The following TCEA1 variants were observed in gnomAD, a reference collection of about 807,000 sequenced individuals.
TCEA1 encodes the protein transcription elongation factor A1, also known as transcription elongation factor A protein 1.
TCEA1 carries 21 observed loss-of-function variants against 43.8 expected under a neutral mutation model. The ratio of observed to expected loss-of-function variants is 0.48; its 90% CI spans 0.34 to 0.69. TCEA1 has a LOEUF of 0.69. Among genes scored for constraint, TCEA1 ranks in the 30% least tolerant of loss-of-function variants. TCEA1 has a pLI of 0.01. For missense variants in TCEA1, 250 were observed against 365.1 expected, an observed-to-expected ratio of 0.68 and a Z score of 2.57; for synonymous variants, 104 against 117.5, an observed-to-expected ratio of 0.88 and a Z score of 0.75.
intron 2 of TCEA1, among the ~76,000 whole-genome samples, chr8:54,004,746 T>C (rs1804384488): frequency 6.6e-6 from 1 of 151,754 alleles, no homozygotes; most frequent in South Asian, 2.1e-4. Context: ...ATGAATGAAC[T>C]GTATGGTATG....
At chr8:53,983,810 A>T (rs1803598399) in intron 7 of TCEA1, among the ~76,000 whole-genome samples, 1 of 152,264 alleles carries the variant, frequency 6.6e-6, no homozygotes, top group African/African-American at 2.4e-5. Context: ...AGTAAAAAAC[A>T]CTTGGTGGCC....
chr8:53,977,014 T>C (rs1803352974), intron 8 of TCEA1, among the ~76,000 whole-genome samples: 1 of 152,200 alleles, frequency 6.6e-6, no homozygotes, highest in Non-Finnish European at 1.5e-5. Context: ...ATTTTCCATA[T>C]GTGTTTAGAA....
chr8:53,999,224 C>CAAAAAAAAAAA (rs57357613), intron 3 of TCEA1, among the ~76,000 whole-genome samples: 2 of 64,544 alleles, frequency 3.1e-5, no homozygotes, highest in South Asian at 5.0e-4. Flanking sequence ...GACTCAGTCT[C>CAAAAAAAAAAA]AAAAAAAAAA....
intron 6 of TCEA1, among the ~76,000 whole-genome samples, chr8:53,985,863 C>T (rs1160987542): frequency 2.0e-5 from 3 of 152,176 alleles, no homozygotes; most frequent in African/African-American, 4.8e-5. Flanking sequence ...GCTTTCCATG[C>T]CCTTTTGCAC....
rs547907801 is a variant in TCEA1, at chr8:53,968,384, AAAT to A, written c.898-275_898-273del. 4.0e-3 allele frequency among the ~76,000 whole-genome samples: 611 copies of A among 152,288 alleles called. 4 individuals carry two copies. Among genetic ancestry groups the A allele is most frequent in the African/African-American group, 0.014 (582 of 41,568 alleles). ...AATGTTTTTAAGGTTAAAAAAAAAA[AAAT>A]AACAATTCCAAAATTGAACTTCTAA... On this transcript the variant is annotated intron_variant, in intron 9 of 9. Transcript: ENST00000521604.
chr8:54,013,378 C>G (rs1804716577), intron 1 of TCEA1, among the ~76,000 whole-genome samples: 1 of 152,012 alleles, frequency 6.6e-6, no homozygotes, highest in Non-Finnish European at 1.5e-5. Context: ...TAAGAAATAA[C>G]TATGGGCTGG....
intron 8 of TCEA1, chr8:53,971,343 G>C (rs911158850): frequency 6.6e-6 from 1 of 152,526 alleles, no homozygotes; most frequent in African/African-American, 2.4e-5. Flanking sequence ...GGGCATGGTA[G>C]CTCACGCCTG....
chr8:53,968,225 A>C (rs1283207820), intron 9 of TCEA1, 113 bp from the exon 10 acceptor site: 14 of 837,650 alleles, frequency 1.7e-5, no homozygotes, highest in Non-Finnish European at 2.3e-5. Flanking sequence ...ATTTTTGAAA[A>C]AGATGCTGTA....
chr8:53,968,091 C>G lies in TCEA1; in HGVS notation c.*13G>C. On this transcript the variant is annotated 3_prime_UTR_variant, in exon 10 of 10. Coordinates refer to ENST00000521604, the MANE Select transcript of TCEA1 (RefSeq NM_006756.4). The stretch of plus-strand genomic sequence containing the variant: ...TTTCTTAATGGTCCAGATATTTTGC[C>G]AATTCTTCCAACTCAACAGAACTGT... 1 of 1,524,574 alleles carries G rather than the reference C, an allele frequency of 6.6e-7. No individual in the cohort carries two copies. The highest frequency in any genetic ancestry group is 8.9e-7 in the Non-Finnish European group (1 of 1,128,094). The allele number at this position is 1,524,574 out of a possible 1,614,324, so 94.4% of individuals were successfully genotyped here.
At chr8:54,002,698 AATAG>A (rs761846938) in intron 2 of TCEA1, among the ~76,000 whole-genome samples, 3 of 152,192 alleles carry the variant, frequency 2.0e-5, no homozygotes, top group African/African-American at 4.8e-5. Flanking sequence ...TACAAGATGT[AATAG>A]ATAGGTTATA....
chr8:53,997,689 A>G (rs1201764030), intron 3 of TCEA1, among the ~76,000 whole-genome samples: 1 of 152,246 alleles, frequency 6.6e-6, no homozygotes, highest in Non-Finnish European at 1.5e-5. Flanking sequence ...GCTTGAGCCC[A>G]AGAGTCCAAG....
intron 2 of TCEA1, among the ~76,000 whole-genome samples, chr8:54,005,569 A>C (rs1308072999): frequency 6.6e-6 from 1 of 152,164 alleles, no homozygotes; most frequent in Non-Finnish European, 1.5e-5. Context: ...TATATTGCTA[A>C]ATGGCACCAT....
chr8:53,989,231 A>G (rs894289677), intron 4 of TCEA1, among the ~76,000 whole-genome samples: 3 of 152,178 alleles, frequency 2.0e-5, no homozygotes, highest in South Asian at 2.1e-4. Context: ...GCAGTTTTAT[A>G]ATTTTCCAGT....
intron 1 of TCEA1, 57 bp downstream of exon 1, chr8:54,022,006 C>G (rs1010285178): frequency 2.0e-6 from 3 of 1,510,156 alleles, no homozygotes; most frequent in Middle Eastern, 2.4e-4. Flanking sequence ...GGGCGGCCCC[C>G]TCGGGCCGGA....
At chr8:54,016,953 G>T (rs1351332967) in intron 1 of TCEA1, among the ~76,000 whole-genome samples, 1 of 126,650 alleles carries the variant, frequency 7.9e-6, no homozygotes, top group East Asian at 2.4e-4. Flanking sequence ...CAGCCTGAGC[G>T]ACAGAGCAAG....
chr8:53,984,553 AAAGT>A (rs761971171), intron 6 of TCEA1, 36 bp from the exon 7 acceptor site: 7 of 1,507,762 alleles, frequency 4.6e-6, no homozygotes, highest in African/African-American at 2.8e-5. Context: ...CAAAATTACA[AAAGT>A]AAGATCACTT....
chr8:54,011,631 C>T (rs955205397), intron 1 of TCEA1, among the ~76,000 whole-genome samples: 1 of 152,206 alleles, frequency 6.6e-6, no homozygotes, highest in African/African-American at 2.4e-5. Context: ...GAAATACACG[C>T]TATCCCCCCA....
At chr8:53,970,688 A>T (rs578124848) in intron 8 of TCEA1, among the ~76,000 whole-genome samples, 1 of 152,294 alleles carries the variant, frequency 6.6e-6, no homozygotes, top group Admixed American at 6.5e-5. Flanking sequence ...AATATATCCC[A>T]GATAAGTGGG....
At chr8:53,973,652 C>T in intron 8 of TCEA1, 1 of 548,628 alleles carries the variant, frequency 1.8e-6, no homozygotes, top group Non-Finnish European at 3.5e-6. Context: ...AGAACCTGAG[C>T]AAAAAGAAGA....
Sources: allele counts gnomAD v4.1 joint callset (sites outside exome capture counted in the v4.1 genomes callset), GRCh38; gene constraint gnomAD v4.1.1; transcripts MANE v1.5; gene names NCBI Gene and HGNC (gene_info 2026-07-23, HGNC 2026-07-21).